ETNK1: variants seen among roughly 807,000 people sequenced by gnomAD.
The protein encoded by ETNK1 is ethanolamine kinase 1, also known as putative protein product of Nbla10396.
A neutral mutation model predicts 45.1 loss-of-function variants in ETNK1; 8 were observed. That is an observed-to-expected ratio of 0.18 (90% CI 0.10 to 0.32). The LOEUF (loss-of-function observed/expected upper bound fraction) is 0.32, where lower values mean the gene tolerates loss of function less well. Ranked by LOEUF, ETNK1 falls within the 10% of genes least tolerant of loss-of-function variation. The pLI is 1.00. For missense variants in ETNK1, 302 were observed against 430.6 expected (o/e 0.70, Z 2.64); for synonymous variants, 152 against 151.9 (o/e 1.00, Z -0.01).
intron 2 of ETNK1, among the ~76,000 whole-genome samples, chr12:22,648,607 G>C (rs1953836543): frequency 6.6e-6 from 1 of 151,778 alleles, no homozygotes. Flanking sequence ...AATCTATTTT[G>C]TTCATTCAAC....
intron 2 of ETNK1, among the ~76,000 whole-genome samples, chr12:22,657,840 A>G (rs1467788705): frequency 1.3e-5 from 2 of 152,174 alleles, no homozygotes; most frequent in Admixed American, 1.3e-4. Context: ...AGTTTCTCCA[A>G]AAGAAAATAA....
At chr12:22,647,883 G>C (rs755262056) in intron 2 of ETNK1, among the ~76,000 whole-genome samples, 15 of 151,916 alleles carry the variant, frequency 9.9e-5, no homozygotes, top group Non-Finnish European at 1.8e-4. Context: ...CGTTTGACTT[G>C]ATGTTACTGT....
intron 1 of ETNK1, among the ~76,000 whole-genome samples, chr12:22,626,930 A>G (rs1034815028): frequency 1.3e-5 from 2 of 152,198 alleles, no homozygotes; most frequent in Admixed American, 6.5e-5. Context: ...ATTTTATTAT[A>G]TAAGACTCTA....
intron 2 of ETNK1, among the ~76,000 whole-genome samples, chr12:22,651,057 A>T (rs1295072968): frequency 6.6e-6 from 1 of 152,212 alleles, no homozygotes; most frequent in Non-Finnish European, 1.5e-5. Flanking sequence ...CAAAAGAAAG[A>T]GAAGAGCTCT....
In ETNK1 at chr12:22,625,188, A is replaced by G. The variant is rs575063210; in HGVS notation, c.-243A>G. On this transcript the variant is annotated 5_prime_UTR_variant, in exon 1 of 8. Coordinates refer to ENST00000266517, the MANE Select transcript of ETNK1 (RefSeq NM_018638.5). ...CATGCTCTGCGGCCGCCCGCGGTCC[A>G]GCTCCGACAACAGGAATTTTCTCCG... is the stretch of plus-strand genomic sequence containing the variant. The G allele has an allele frequency of 3.4e-5, 54 of 1,607,456 alleles. No homozygotes were observed. The highest frequency in any genetic ancestry group is 2.9e-4 in the African/African-American group (22 of 74,942).
rs1250223829 is a variant in ETNK1 at position 22,655,351 on chromosome 12, TTC to T, written c.417-3662_417-3661del. On this transcript the variant is annotated intron_variant, in intron 2 of 7. Transcript: ENST00000266517. ...TTGTTTTTTTTTTTTTTTTTTTTTT[TTC>T]GAGACGGAGTCTCGCTCTTGTTGCC... Among the ~76,000 whole-genome samples the T allele has an allele frequency of 5.3e-4, 43 of 81,552 alleles. 1 individual carries two copies. The highest frequency in any genetic ancestry group is 9.7e-4 in the Non-Finnish European group (33 of 34,034). The allele number at this position is 81,552 out of a possible 152,430, so 53.5% of individuals were successfully genotyped here.
intron 2 of ETNK1, among the ~76,000 whole-genome samples, chr12:22,657,036 C>T (rs2137552166): frequency 6.6e-6 from 1 of 152,198 alleles, no homozygotes; most frequent in South Asian, 2.1e-4. Context: ...TACATGCATG[C>T]ATTTGCACTT....
In ETNK1 at chr12:22,628,449, A is replaced by G. The variant is rs1040762471; in HGVS notation, c.156+2863A>G. 3.3e-5 allele frequency among the ~76,000 whole-genome samples: 5 copies of G among 152,206 alleles called. No individual in the cohort carries two copies. The South Asian group carries it at 8.3e-4, about 25-fold the overall frequency. ...TTTTCATATGTGACACCATTTTAGG[A>G]AAAAGGGATTACTTAAGCTTTCCTT... On this transcript the variant is annotated intron_variant, in intron 1 of 7. Coordinates refer to ENST00000266517, the MANE Select transcript of ETNK1 (RefSeq NM_018638.5).
At chr12:22,681,091 G>A (rs192298119) in intron 6 of ETNK1, among the ~76,000 whole-genome samples, 2 of 152,066 alleles carry the variant, frequency 1.3e-5, no homozygotes, top group East Asian at 3.9e-4. Context: ...TTTTTTGGAT[G>A]TACTTGTATT....
rs1953993018 is a variant in ETNK1, at chr12:22,660,929, A to G, written c.558-134A>G. On this transcript the variant is annotated intron_variant, in intron 3 of 7. Coordinates refer to ENST00000266517, the MANE Select transcript of ETNK1 (RefSeq NM_018638.5). ...TCTTTATTCTAACTTTTGAAATAGAATAATTGGTCTGTTGTTTGAATTCAG... is the reference window on the plus strand; with the variant it reads ...TCTTTATTCTAACTTTTGAAATAGAGTAATTGGTCTGTTGTTTGAATTCAG... 1.3e-5 allele frequency: 9 copies of G among 700,584 alleles called. No individual in the cohort carries two copies. The South Asian group carries it at 1.6e-4, about 12-fold the overall frequency. 43.4% of individuals were successfully genotyped at this position (700,584 alleles called of 1,614,324 possible).
chr12:22,644,803 T>C (rs1007896357), intron 2 of ETNK1, among the ~76,000 whole-genome samples: 2 of 151,982 alleles, frequency 1.3e-5, no homozygotes, highest in Non-Finnish European at 2.9e-5. Context: ...ACTGTACACT[T>C]GTGAAAGAGT....
Position 22,685,580 on chromosome 12 carries a change from A to G in ETNK1, c.*626A>G, listed in dbSNP as rs1434306438. The G allele has an allele frequency of 6.6e-6, 1 of 151,826 alleles. No individual in the cohort carries two copies. Among genetic ancestry groups the G allele is most frequent in the African/African-American group, 2.4e-5 (1 of 41,418 alleles). 9.4% of individuals were successfully genotyped at this position (151,826 alleles called of 1,614,324 possible). On this transcript the variant is annotated 3_prime_UTR_variant, in exon 8 of 8. Coordinates refer to ENST00000266517, the MANE Select transcript of ETNK1 (RefSeq NM_018638.5). ...AGAAAGTATTTCTTTTTGGGGTAAT[A>G]TAACTTAGAATTAAATCCCTGTTTC...
chr12:22,638,109 G>C (rs180741305), intron 1 of ETNK1, among the ~76,000 whole-genome samples: 2 of 152,100 alleles, frequency 1.3e-5, no homozygotes, highest in African/African-American at 4.8e-5. Flanking sequence ...AAATTCTCTT[G>C]CAAGAAATTT....
Position 22,662,392 on chromosome 12 carries a change from CT to C in ETNK1, c.700+1204del, listed in dbSNP as rs79930955. Among the ~76,000 whole-genome samples the C allele has an allele frequency of 3.0e-3, 373 of 122,774 alleles. 1 individual carries two copies. Among genetic ancestry groups the C allele is most frequent in the African/African-American group, 4.7e-3 (130 of 27,794 alleles). The allele number at this position is 122,774 out of a possible 152,430, so 80.5% of individuals were successfully genotyped here. A position where few individuals can be genotyped will look rare whatever the true frequency, so the allele number is the denominator to read the frequency against. ...TGTGAGCCACTGAGCCTGGCCTTTC[CT>C]TTTTTTTTTTTTTTTTAAGTGACTG... On this transcript the variant is annotated intron_variant, in intron 4 of 7. Transcript: ENST00000266517.
intron 2 of ETNK1, among the ~76,000 whole-genome samples, chr12:22,646,638 A>G (rs1449120937): frequency 1.3e-5 from 2 of 151,900 alleles, no homozygotes; most frequent in South Asian, 2.1e-4. Context: ...GCATGCAGTG[A>G]TCTGGACTGA....
chr12:22,626,498 A>G (rs934739166), intron 1 of ETNK1, among the ~76,000 whole-genome samples: 10 of 152,218 alleles, frequency 6.6e-5, no homozygotes, highest in African/African-American at 2.2e-4. Context: ...ATGTAAGAAC[A>G]TTCATTTGAA....
Position 22,625,575 on chromosome 12 carries a change from G to T in ETNK1, c.145G>T (p.Val49Leu), listed in dbSNP as rs773381371. Residue 49 changes from valine (V) to leucine (L), a missense_variant, in exon 1 of 8, where the codon GTG (valine) becomes TTG (leucine). Transcript: ENST00000266517. ...HLRPHWDPQEVTLQLFTDGIT... is the reference protein window; with the variant it reads ...HLRPHWDPQELTLQLFTDGIT... ...GCGGCCTCACTGGGACCCCCAGGAG[G>T]TGACCCTGCAGGTAACGCCCACACC... 1.9e-6 allele frequency: 3 copies of T among 1,592,064 alleles called. No individual in the cohort carries two copies. Among genetic ancestry groups the T allele is most frequent in the Non-Finnish European group, 8.5e-7 (1 of 1,169,818 alleles).
chr12:22,671,215 G>A, intron 4 of ETNK1, 57 bp from the exon 5 acceptor site: 5 of 1,181,154 alleles, frequency 4.2e-6, no homozygotes, highest in South Asian at 2.5e-5. Context: ...AATAGCATAG[G>A]GATTTTCTGA....
chr12:22,636,756 C>G (rs986577462), intron 1 of ETNK1, among the ~76,000 whole-genome samples: 2 of 152,114 alleles, frequency 1.3e-5, no homozygotes, highest in Non-Finnish European at 2.9e-5. Context: ...AGTATAACAA[C>G]TATTTACATA....
Sources: gnomAD v4.1 joint callset for allele counts (sites outside exome capture counted in the v4.1 genomes callset) on GRCh38, gnomAD v4.1.1 for gene constraint, MANE v1.5 for transcripts, NCBI Gene and HGNC (gene_info 2026-07-23, HGNC 2026-07-21) for gene names.